The following NPAS3 variants were observed in gnomAD, a reference collection of about 807,000 sequenced individuals.
NPAS3 encodes the protein neuronal PAS domain protein 3.
A neutral mutation model predicts 73.1 loss-of-function variants in NPAS3; 14 were observed. That is an observed-to-expected ratio of 0.19 (90% CI 0.13 to 0.30). The LOEUF (loss-of-function observed/expected upper bound fraction) is 0.30. Ranked by LOEUF, NPAS3 falls within the 10% of genes least tolerant of loss-of-function variation. The probability of loss-of-function intolerance (pLI) is 1.00; values close to 1 mark genes in which losing one functional copy is unlikely to be tolerated. For missense variants in NPAS3, 1,096 were observed against 1,250.0 expected (o/e 0.88, Z 1.86); for synonymous variants, 620 against 541.5 (o/e 1.14, Z -2.01).
intron 2 of NPAS3, among the ~76,000 whole-genome samples, chr14:33,071,423 A>G (rs1052939428): frequency 3.9e-5 from 6 of 152,144 alleles, no homozygotes; most frequent in African/African-American, 1.5e-4. Flanking sequence ...CATAAGCCAA[A>G]GATTTTAAGT....
chr14:33,366,703 T>A (rs1276070381), intron 3 of NPAS3, among the ~76,000 whole-genome samples: 1 of 152,184 alleles, frequency 6.6e-6, no homozygotes, highest in Non-Finnish European at 1.5e-5. Context: ...GCTGATTAAA[T>A]TGTGATGAAG....
chr14:33,076,580 C>A (rs2041666332), intron 2 of NPAS3, among the ~76,000 whole-genome samples: 1 of 152,116 alleles, frequency 6.6e-6, no homozygotes, highest in African/African-American at 2.4e-5. Flanking sequence ...AACGGAGCAG[C>A]AAGATTATAT....
intron 7 of NPAS3, among the ~76,000 whole-genome samples, chr14:33,741,365 C>T (rs758580963): frequency 6.6e-6 from 1 of 152,172 alleles, no homozygotes; most frequent in Non-Finnish European, 1.5e-5. Flanking sequence ...TAAGGCTATG[C>T]ATTTATTGCC....
chr14:33,522,403 G>A (rs2053596136), intron 4 of NPAS3, among the ~76,000 whole-genome samples: 1 of 151,952 alleles, frequency 6.6e-6, no homozygotes, highest in African/African-American at 2.4e-5. Context: ...ATGCAGTGAT[G>A]TAGTTGTATC....
At chr14:33,092,362 T>C (rs1035392297) in intron 2 of NPAS3, among the ~76,000 whole-genome samples, 8 of 152,180 alleles carry the variant, frequency 5.3e-5, no homozygotes, top group African/African-American at 1.4e-4. Context: ...GTGACTCCCA[T>C]TCACAATTGC....
chr14:33,536,341 T>G (rs1202048115), intron 4 of NPAS3, among the ~76,000 whole-genome samples: 1 of 152,216 alleles, frequency 6.6e-6, no homozygotes, highest in Non-Finnish European at 1.5e-5. Context: ...AAATGTTATT[T>G]TAAAAGATTT....
At chr14:33,749,844 G>A (rs1010599382) in intron 7 of NPAS3, among the ~76,000 whole-genome samples, 2 of 152,130 alleles carry the variant, frequency 1.3e-5, no homozygotes, top group African/African-American at 4.8e-5. Flanking sequence ...ACAGAGTGCT[G>A]ACAGATTGCA....
At chr14:32,979,912 A>T (rs1296875) in intron 1 of NPAS3, among the ~76,000 whole-genome samples, 65,147 of 151,940 alleles carry the variant, frequency 0.43, 15,848 homozygotes, top group African/African-American at 0.67. Flanking sequence ...AATCAGCTAC[A>T]AAACTGGGAG....
intron 2 of NPAS3, among the ~76,000 whole-genome samples, chr14:33,180,418 A>G (rs1352248706): frequency 6.6e-6 from 1 of 152,168 alleles, no homozygotes; most frequent in Admixed American, 6.5e-5. Flanking sequence ...TGCGTTTTTT[A>G]TTAGCAATGT....
At chr14:33,633,530 T>C (rs1015786032) in intron 5 of NPAS3, among the ~76,000 whole-genome samples, 2 of 152,212 alleles carry the variant, frequency 1.3e-5, no homozygotes, top group African/African-American at 4.8e-5. Flanking sequence ...CTAATGCTCC[T>C]AGGCTACAAA....
intron 4 of NPAS3, among the ~76,000 whole-genome samples, chr14:33,410,477 A>C (rs747277946): frequency 1.3e-5 from 2 of 152,096 alleles, no homozygotes; most frequent in Non-Finnish European, 2.9e-5. Context: ...CTGCCTTTGG[A>C]TTAATAACTA....
chr14:33,319,816 C>T (rs1275903913), intron 3 of NPAS3, among the ~76,000 whole-genome samples: 1 of 152,104 alleles, frequency 6.6e-6, no homozygotes, highest in East Asian at 1.9e-4. Context: ...GTCACATTGA[C>T]TTATCAGTTT....
chr14:33,542,251 G>A (rs546234513), intron 4 of NPAS3, among the ~76,000 whole-genome samples: 150 of 152,224 alleles, frequency 9.9e-4, no homozygotes, highest in African/African-American at 3.2e-3. Flanking sequence ...AGCCATACTC[G>A]CCAGCAGTAT....
chr14:33,635,617 A>T (rs141590402), intron 5 of NPAS3, among the ~76,000 whole-genome samples: 1 of 152,254 alleles, frequency 6.6e-6, no homozygotes, highest in African/African-American at 2.4e-5. Flanking sequence ...AATCAATCAT[A>T]TCCTTCCTCT....
intron 2 of NPAS3, among the ~76,000 whole-genome samples, chr14:33,180,458 C>T (rs1387515394): frequency 6.6e-6 from 1 of 152,056 alleles, no homozygotes; most frequent in African/African-American, 2.4e-5. Context: ...TAAGAAAGCA[C>T]ATGTTCTTAA....
chr14:33,280,479 T>C (rs996080001), intron 3 of NPAS3, among the ~76,000 whole-genome samples: 4 of 152,154 alleles, frequency 2.6e-5, no homozygotes, highest in Admixed American at 6.6e-5. Flanking sequence ...GTTTTGACCG[T>C]GGTTTTGCCA....
At chr14:33,443,827 G>T (rs1258051270) in intron 4 of NPAS3, among the ~76,000 whole-genome samples, 1 of 152,190 alleles carries the variant, frequency 6.6e-6, no homozygotes, top group East Asian at 1.9e-4. Context: ...TTTATCTCTG[G>T]TCACCAGCTG....
chr14:33,780,829 T>C (rs1328535197), intron 9 of NPAS3: 1 of 274,168 alleles, frequency 3.6e-6, no homozygotes, highest in East Asian at 1.1e-4. Flanking sequence ...CTAATTTTTC[T>C]GGTATCTTGC....
chr14:33,538,165 G>C (rs2054341370), intron 4 of NPAS3, among the ~76,000 whole-genome samples: 1 of 152,092 alleles, frequency 6.6e-6, no homozygotes, highest in Admixed American at 6.6e-5. Flanking sequence ...GTGTTAACTG[G>C]TTGTCCTTAT....
Sources: allele counts gnomAD v4.1 joint callset (sites outside exome capture counted in the v4.1 genomes callset), GRCh38; gene constraint gnomAD v4.1.1; transcripts MANE v1.5; gene names NCBI Gene and HGNC (gene_info 2026-07-23, HGNC 2026-07-21).